CORIN: variants seen among roughly 807,000 people sequenced by gnomAD.
The protein encoded by CORIN is corin, serine peptidase.
A neutral mutation model predicts 125.3 loss-of-function variants in CORIN; 117 were observed. That is an observed-to-expected ratio of 0.93 (90% CI 0.80 to 1.09). The LOEUF (loss-of-function observed/expected upper bound fraction) is 1.09. Among genes scored for constraint, CORIN ranks in the 50% least tolerant of loss-of-function variants. The pLI is 0.00. For synonymous variants in CORIN, 450 were observed against 466.4 expected (o/e 0.96, Z 0.45); for missense variants, 1,253 against 1,306.7 (o/e 0.96, Z 0.63).
chr4:47,837,580 C>T, intron 1 of CORIN: 1 of 510,832 alleles, frequency 2.0e-6, no homozygotes, highest in Non-Finnish European at 3.5e-6. Context: ...GGCATCACCC[C>T]CGGCATGGAG....
chr4:47,775,231 A>G (rs1254841525), intron 3 of CORIN, among the ~76,000 whole-genome samples: 1 of 149,134 alleles, frequency 6.7e-6, no homozygotes, highest in Non-Finnish European at 1.5e-5. Context: ...TTTTTTTTTC[A>G]TATATACTTT....
At chr4:47,597,202 A>G (rs1469691501) in intron 21 of CORIN, among the ~76,000 whole-genome samples, 1 of 152,186 alleles carries the variant, frequency 6.6e-6, no homozygotes, top group African/African-American at 2.4e-5. Context: ...AAATACAAAA[A>G]TTAGCCAGGT....
chr4:47,689,692 C>T lies in CORIN; in HGVS notation c.913+3278G>A, dbSNP rs1480388464. ...ATGTCCTAGGCACTATTCTAGGAGC[C>T]AGTTATAGACTCAAAAGATTATAGA... On this transcript the variant is annotated intron_variant, in intron 6 of 21. Coordinates refer to ENST00000273857, the MANE Select transcript of CORIN (RefSeq NM_006587.4). 7.2e-5 allele frequency among the ~76,000 whole-genome samples: 11 copies of T among 152,206 alleles called. No homozygotes were observed. The South Asian group carries it at 1.7e-3, about 23-fold the overall frequency.
intron 1 of CORIN, among the ~76,000 whole-genome samples, chr4:47,808,271 T>G (rs1221686140): frequency 1.3e-5 from 2 of 152,180 alleles, no homozygotes; most frequent in African/African-American, 4.8e-5. Context: ...ATACCAAACT[T>G]TTTTTAAAAA....
intron 12 of CORIN, among the ~76,000 whole-genome samples, chr4:47,654,253 G>T (rs997382352): frequency 2.6e-5 from 4 of 151,964 alleles, no homozygotes; most frequent in African/African-American, 9.7e-5. Context: ...ATGATTTTTT[G>T]GGGGGAAGAT....
At chr4:47,631,065 G>A (rs1259673645) in intron 16 of CORIN, among the ~76,000 whole-genome samples, 1 of 152,176 alleles carries the variant, frequency 6.6e-6, no homozygotes, top group Non-Finnish European at 1.5e-5. Flanking sequence ...CACCCTAAAT[G>A]CTATTGACAA....
intron 10 of CORIN, among the ~76,000 whole-genome samples, chr4:47,670,565 A>C (rs1406749566): frequency 6.6e-6 from 1 of 152,222 alleles, no homozygotes. Context: ...TAAGAGGGGA[A>C]AATGCACGAG....
Position 47,595,642 on chromosome 4 carries a change from C to G in CORIN, c.*79G>C. The G allele has an allele frequency of 8.7e-7, 1 of 1,152,688 alleles. No homozygotes were observed. Among genetic ancestry groups the G allele is most frequent in the South Asian group, 1.7e-5 (1 of 60,260 alleles). The allele number at this position is 1,152,688 out of a possible 1,614,324, so 71.4% of individuals were successfully genotyped here. ...CCATGAAAAGTGCTTCTGTACAGCT[C>G]TCTGCAGGCAGCTCTTCACAGTCAA... On this transcript the variant is annotated 3_prime_UTR_variant, in exon 22 of 22. Coordinates refer to ENST00000273857, the MANE Select transcript of CORIN (RefSeq NM_006587.4).
chr4:47,597,152 G>T (rs1721285906), intron 21 of CORIN, among the ~76,000 whole-genome samples: 1 of 152,126 alleles, frequency 6.6e-6, no homozygotes, highest in South Asian at 2.1e-4. Flanking sequence ...AGGAGTTCCA[G>T]ACCAACTTGA....
chr4:47,620,836 A>C (rs945170095), intron 19 of CORIN, among the ~76,000 whole-genome samples: 2 of 152,240 alleles, frequency 1.3e-5, no homozygotes, highest in Non-Finnish European at 2.9e-5. Context: ...CACATAACAG[A>C]AAACTGTGGT....
intron 4 of CORIN, among the ~76,000 whole-genome samples, chr4:47,752,387 T>C (rs1198102142): frequency 6.6e-6 from 1 of 152,160 alleles, no homozygotes; most frequent in Non-Finnish European, 1.5e-5. Flanking sequence ...TAATTATCTG[T>C]TGAATAAGTA....
At chr4:47,642,525 G>A (rs928459160) in intron 15 of CORIN, among the ~76,000 whole-genome samples, 4 of 152,204 alleles carry the variant, frequency 2.6e-5, no homozygotes, top group Admixed American at 6.5e-5. Context: ...ACCAGCCTCA[G>A]AGCACTTAGG....
intron 2 of CORIN, chr4:47,790,241 G>C: frequency 1.0e-6 from 1 of 982,678 alleles, no homozygotes; most frequent in Non-Finnish European, 1.2e-6. Context: ...GGCTGGCTGT[G>C]GTGAGACAGC....
At chr4:47,702,001 A>G (rs1044505816) in intron 5 of CORIN, among the ~76,000 whole-genome samples, 12 of 152,188 alleles carry the variant, frequency 7.9e-5, no homozygotes, top group Admixed American at 2.0e-4. Context: ...CTTATTATCT[A>G]TCTGCCTCTC....
chr4:47,703,556 C>T (rs372945642), intron 5 of CORIN, among the ~76,000 whole-genome samples: 20 of 152,168 alleles, frequency 1.3e-4, no homozygotes, highest in African/African-American at 4.3e-4. Context: ...ATCTGCGCTG[C>T]TTTGGCGAAT....
chr4:47,684,098 C>T (rs949677254), intron 6 of CORIN, among the ~76,000 whole-genome samples: 6 of 152,166 alleles, frequency 3.9e-5, no homozygotes, highest in Non-Finnish European at 8.8e-5. Context: ...CTGAACGATC[C>T]TTGATTGTTA....
At chr4:47,646,043 CAAAA>C (rs1165408037) in intron 13 of CORIN, among the ~76,000 whole-genome samples, 2 of 98,494 alleles carry the variant, frequency 2.0e-5, no homozygotes, top group African/African-American at 7.9e-5. Context: ...CCACCTGTCT[CAAAA>C]AAAAAAAAAA....
chr4:47,643,034 C>T (rs1723299791), intron 15 of CORIN, 112 bp downstream of exon 15: 1 of 1,562,324 alleles, frequency 6.4e-7, no homozygotes, highest in Non-Finnish European at 8.6e-7. Flanking sequence ...AACAGTAAAA[C>T]AAAATAGATG....
intron 5 of CORIN, among the ~76,000 whole-genome samples, chr4:47,723,531 C>A (rs1272983588): frequency 6.6e-6 from 1 of 152,098 alleles, no homozygotes; most frequent in African/African-American, 2.4e-5. Context: ...GGAAACAAAG[C>A]CCTTAGAAGG....
Sources: allele counts gnomAD v4.1 joint callset (sites outside exome capture counted in the v4.1 genomes callset), GRCh38; gene constraint gnomAD v4.1.1; transcripts MANE v1.5; gene names NCBI Gene and HGNC (gene_info 2026-07-23, HGNC 2026-07-21).